The following NT5DC1 variants were observed in gnomAD, a reference collection of about 807,000 sequenced individuals.
The protein encoded by NT5DC1 is 5'-nucleotidase domain-containing protein 1.
NT5DC1 carries 42 observed loss-of-function variants against 59.4 expected under a neutral mutation model. The ratio of observed to expected loss-of-function variants is 0.71; its 90% CI spans 0.55 to 0.92. NT5DC1 has a LOEUF of 0.92. Ranked by LOEUF, NT5DC1 falls within the 40% of genes least tolerant of loss-of-function variation. NT5DC1 has a pLI of 0.00. For missense variants in NT5DC1, 501 were observed against 537.1 expected (o/e 0.93, Z 0.66); for synonymous variants, 172 against 188.1 (o/e 0.91, Z 0.70).
intron 6 of NT5DC1, among the ~76,000 whole-genome samples, chr6:116,149,743 T>A (rs1779988884): frequency 6.6e-6 from 1 of 152,164 alleles, no homozygotes; most frequent in Non-Finnish European, 1.5e-5. Context: ...GAATCTGGGA[T>A]CTCCACATAA....
chr6:116,185,160 T>A (rs142575327), intron 6 of NT5DC1, among the ~76,000 whole-genome samples: 6 of 152,210 alleles, frequency 3.9e-5, no homozygotes, highest in African/African-American at 1.4e-4. Flanking sequence ...TTTCCATGTA[T>A]TTGCATGATT....
At chr6:116,117,774 G>T in intron 5 of NT5DC1, 87 bp from the exon 6 acceptor site, 3 of 717,656 alleles carry the variant, frequency 4.2e-6, no homozygotes, top group Middle Eastern at 3.9e-4. Flanking sequence ...GTCAGGGACT[G>T]TCTGCATTGT....
chr6:116,152,130 C>A lies in NT5DC1; in HGVS notation c.529+34185C>A, dbSNP rs151027888. On this transcript the variant is annotated intron_variant, in intron 6 of 11. Coordinates refer to ENST00000319550, the MANE Select transcript of NT5DC1 (RefSeq NM_152729.3). ...ATTTGTATGTCACAATCTATTTTCACAGGATGCAGTGCCTTCGTTTTCATT... is the reference window on the plus strand; with the variant it reads ...ATTTGTATGTCACAATCTATTTTCAAAGGATGCAGTGCCTTCGTTTTCATT... Among the ~76,000 whole-genome samples, 54 of 152,286 alleles carry A rather than the reference C, an allele frequency of 3.5e-4. No homozygotes were observed. The East Asian group carries it at 8.9e-3, about 25-fold the overall frequency.
intron 1 of NT5DC1, among the ~76,000 whole-genome samples, chr6:116,102,299 C>A (rs920595468): frequency 2.0e-5 from 3 of 152,198 alleles, no homozygotes; most frequent in African/African-American, 4.8e-5. Flanking sequence ...CGTGTGTTTT[C>A]TATGCCCAGA....
intron 6 of NT5DC1, among the ~76,000 whole-genome samples, chr6:116,128,985 G>A (rs138126495): frequency 3.9e-5 from 6 of 152,244 alleles, no homozygotes; most frequent in African/African-American, 1.2e-4. Context: ...CTATATGCCT[G>A]TCATTCAAAC....
intron 4 of NT5DC1, among the ~76,000 whole-genome samples, chr6:116,111,752 T>C (rs1778879516): frequency 1.3e-5 from 2 of 152,228 alleles, no homozygotes; most frequent in South Asian, 4.1e-4. Flanking sequence ...TGTTTGCTTG[T>C]TTGTTTTTAT....
chr6:116,116,425 C>T (rs1732600939), intron 5 of NT5DC1, among the ~76,000 whole-genome samples: 1 of 152,116 alleles, frequency 6.6e-6, no homozygotes, highest in Admixed American at 6.5e-5. Context: ...AGGCGGATCA[C>T]GAAGTCAGGA....
intron 6 of NT5DC1, among the ~76,000 whole-genome samples, chr6:116,163,829 CTTT>C: frequency 6.6e-6 from 1 of 152,124 alleles, no homozygotes; most frequent in South Asian, 2.1e-4. Context: ...ATTTCCAATT[CTTT>C]TTTATTTCGG....
chr6:116,151,777 T>C (rs2114398676), intron 6 of NT5DC1, among the ~76,000 whole-genome samples: 1 of 152,286 alleles, frequency 6.6e-6, no homozygotes, highest in Middle Eastern at 3.4e-3. Context: ...CCACAGCAAA[T>C]AAACTTTTTT....
At position 116,106,319 on chromosome 6, in the gene NT5DC1, G is replaced by A; in HGVS notation, c.169G>A (p.Glu57Lys). Reference sequence around the variant, plus strand: ...TAAGGAATTGCTCAATGTGACCCCAGAGGATTGGGATTTCTGGTAAGTTCT... The same window carrying A: ...TAAGGAATTGCTCAATGTGACCCCAAAGGATTGGGATTTCTGGTAAGTTCT... ...YDKELLNVTPEDWDFCCKGLA... is the reference protein window; with the variant it reads ...YDKELLNVTPKDWDFCCKGLA... The change falls in exon 2 of 12, where the codon GAG becomes AAG. Residue 57 changes from glutamate (E) to lysine (K), a missense_variant. Transcript: ENST00000319550. 1.4e-6 allele frequency: 2 copies of A among 1,478,226 alleles called. No individual in the cohort carries two copies. Among genetic ancestry groups the A allele is most frequent in the Non-Finnish European group, 1.9e-6 (2 of 1,062,434 alleles). 91.6% of individuals were successfully genotyped at this position (1,478,226 alleles called of 1,614,324 possible). A position where few individuals can be genotyped will look rare whatever the true frequency, so the allele number is the denominator to read the frequency against.
Position 116,115,678 on chromosome 6 carries a change from T to C in NT5DC1, c.365-13T>C. The C allele has an allele frequency of 1.4e-6, 2 of 1,414,456 alleles. No homozygotes were observed. The highest frequency in any genetic ancestry group is 2.0e-6 in the Non-Finnish European group (2 of 998,568). 87.6% of individuals were successfully genotyped at this position (1,414,456 alleles called of 1,614,324 possible). On this transcript the variant is annotated splice_polypyrimidine_tract_variant and intron_variant, in intron 4 of 11. Coordinates refer to ENST00000319550, the MANE Select transcript of NT5DC1 (RefSeq NM_152729.3). The stretch of plus-strand genomic sequence containing the variant: ...TTATGTTGTTCCCAGTTTAAAATTT[T>C]GTTCTTTTTTAGGAAAGTATTACTT...
intron 6 of NT5DC1, among the ~76,000 whole-genome samples, chr6:116,144,241 C>A (rs531867375): frequency 6.6e-6 from 1 of 152,120 alleles, no homozygotes. Context: ...CAGTGGCTCA[C>A]GCCTGTATCC....
At chr6:116,174,196 C>G (rs1780681104) in intron 6 of NT5DC1, among the ~76,000 whole-genome samples, 1 of 152,180 alleles carries the variant, frequency 6.6e-6, no homozygotes, top group South Asian at 2.1e-4. Context: ...CCATGTTTCT[C>G]TACTGTAAAG....
chr6:116,117,162 A>G lies in NT5DC1; in HGVS notation c.445-699A>G, dbSNP rs531118731. Among the ~76,000 whole-genome samples the G allele has an allele frequency of 4.8e-4, 73 of 152,326 alleles. 1 individual carries two copies. The South Asian group carries it at 0.015, about 30-fold the overall frequency. On this transcript the variant is annotated intron_variant, in intron 5 of 11. Transcript: ENST00000319550. ...TCCCATTGATGCCATAGTATGTTAT[A>G]TAACACATTCTGATATCCCAGAAAT...
chr6:116,180,199 A>T (rs895606518), intron 6 of NT5DC1, among the ~76,000 whole-genome samples: 2 of 152,054 alleles, frequency 1.3e-5, no homozygotes, highest in East Asian at 3.8e-4. Context: ...ATTTTATTTA[A>T]ATGTTTTCTT....
intron 6 of NT5DC1, among the ~76,000 whole-genome samples, chr6:116,127,949 A>G (rs1273517492): frequency 1.3e-5 from 2 of 152,116 alleles, no homozygotes; most frequent in East Asian, 1.9e-4. Context: ...TTATCAACAC[A>G]ATGAAAAGTT....
chr6:116,174,782 A>G (rs1177007396), intron 6 of NT5DC1, among the ~76,000 whole-genome samples: 3 of 152,174 alleles, frequency 2.0e-5, no homozygotes, highest in Non-Finnish European at 4.4e-5. Flanking sequence ...CTACAATTCT[A>G]CCACTTGCTT....
At chr6:116,191,036 G>A (rs894692273) in intron 6 of NT5DC1, among the ~76,000 whole-genome samples, 1 of 151,974 alleles carries the variant, frequency 6.6e-6, no homozygotes, top group Non-Finnish European at 1.5e-5. Context: ...CTTCCCCGAA[G>A]TTGCACAGTG....
At chr6:116,195,085 T>C (rs1422112563) in intron 6 of NT5DC1, among the ~76,000 whole-genome samples, 11 of 152,102 alleles carry the variant, frequency 7.2e-5, no homozygotes, top group Admixed American at 7.2e-4. Context: ...TTGTTTTTGC[T>C]TGCCAGCCTA....
Sources: gnomAD v4.1 joint callset for allele counts (sites outside exome capture counted in the v4.1 genomes callset) on GRCh38, gnomAD v4.1.1 for gene constraint, MANE v1.5 for transcripts, NCBI Gene and HGNC (gene_info 2026-07-23, HGNC 2026-07-21) for gene names.